UFD1: variants seen among roughly 807,000 people sequenced by gnomAD.
The protein encoded by UFD1 is ubiquitin recognition factor in ER-associated degradation protein 1.
A neutral mutation model predicts 45.9 loss-of-function variants in UFD1; 13 were observed. The observed-to-expected ratio is 0.28, with a 90% CI of 0.18 to 0.45. The LOEUF is 0.45. UFD1 is among the 20% of genes least tolerant of loss of function. UFD1 has a pLI of 1.00. For missense variants in UFD1, 218 were observed against 389.2 expected, an observed-to-expected ratio of 0.56 and a Z score of 3.70; for synonymous variants, 128 against 139.2, an observed-to-expected ratio of 0.92 and a Z score of 0.56.
Position 19,454,828 on chromosome 22 carries a change from C to A in UFD1, c.770G>T (p.Gly257Val), listed in dbSNP as rs1400480290. ...SPIKPGDIKR[G>V]IPNYEFKLGK... ...AAGTTTAAATTCATAATTGGGAATT[C>A]CTCTGTAAGAAGAGACAGAGACAGA... is the stretch of plus-strand genomic sequence containing the variant. The change falls in exon 11 of 12, where the codon GGA becomes GTA. Residue 257 changes from glycine to valine, a missense_variant and splice_region_variant. By Grantham distance (109) the Gly-to-Val change is moderately radical. Transcript: ENST00000263202. 4 of 1,612,922 alleles carry A rather than the reference C, an allele frequency of 2.5e-6. No homozygotes were observed.
Position 19,459,441 on chromosome 22 carries a change from C to T in UFD1, c.496-1302G>A, listed in dbSNP as rs569425507. Among the ~76,000 whole-genome samples the T allele has an allele frequency of 1.4e-4, 22 of 152,192 alleles. 1 individual carries two copies. The highest frequency in any genetic ancestry group is 1.9e-4 in the African/African-American group (8 of 41,538). On this transcript the variant is annotated intron_variant, in intron 6 of 11. Coordinates refer to ENST00000263202, the MANE Select transcript of UFD1 (RefSeq NM_005659.7). ...CATCCTTGCTAACATGGTGAAGACC[C>T]GTCTCTACTAAAAAATACAAAAAAT...
In UFD1 at chr22:19,470,510, C is replaced by T. The variant is rs187307122; in HGVS notation, c.291+1177G>A. On this transcript the variant is annotated intron_variant, in intron 4 of 11. Transcript: ENST00000263202. ...AGGCTGGAATGCAATGGCATGATCT[C>T]GGCTCACTGCAACCTAAGCCTCCTG... Among the ~76,000 whole-genome samples, 11 of 151,716 alleles carry T rather than the reference C, an allele frequency of 7.3e-5. No homozygotes were observed. In the East Asian group the frequency reaches 1.8e-3, roughly 24 times the overall value.
At chr22:19,459,081 G>C (rs1049475187) in intron 6 of UFD1, among the ~76,000 whole-genome samples, 2 of 152,148 alleles carry the variant, frequency 1.3e-5, no homozygotes, top group African/African-American at 4.8e-5. Flanking sequence ...GGTATTCAAA[G>C]TATGGTTTTT....
chr22:19,460,594 A>G (rs1186282284), intron 6 of UFD1, among the ~76,000 whole-genome samples: 1 of 152,128 alleles, frequency 6.6e-6, no homozygotes, highest in Non-Finnish European at 1.5e-5. Flanking sequence ...GTCCTCCTGC[A>G]CAGAAGCAAG....
Position 19,454,218 on chromosome 22 carries a change from C to A in UFD1, c.849+531G>T, listed in dbSNP as rs1254194875. ...CTGCAAGTCTTCTGTTTCATACACC[C>A]TACACCAGCTCTACAGAAAAAAACA... On this transcript the variant is annotated intron_variant, in intron 11 of 11. Transcript: ENST00000263202. 9.1e-6 allele frequency: 9 copies of A among 992,834 alleles called. No homozygotes were observed. In the East Asian group the frequency reaches 6.7e-4, roughly 74 times the overall value. 61.5% of individuals were successfully genotyped at this position (992,834 alleles called of 1,614,324 possible). A position where few individuals can be genotyped will look rare whatever the true frequency, so the allele number is the denominator to read the frequency against.
intron 4 of UFD1, among the ~76,000 whole-genome samples, chr22:19,468,291 C>A (rs1392212595): frequency 1.3e-5 from 2 of 152,178 alleles, no homozygotes; most frequent in African/African-American, 4.8e-5. Flanking sequence ...AGGGGCAGAG[C>A]ATTTTCCTGG....
At chr22:19,477,006 CAAAAAA>C (rs35775775) in intron 1 of UFD1, among the ~76,000 whole-genome samples, 2 of 98,288 alleles carry the variant, frequency 2.0e-5, no homozygotes, top group African/African-American at 8.3e-5. Context: ...GACTCCATCT[CAAAAAA>C]AAAAAAAAAA....
rs771225321 is a variant in UFD1 at position 19,454,844 on chromosome 22, CAG to C, written c.768-16_768-15del. On this transcript the variant is annotated splice_polypyrimidine_tract_variant and intron_variant, in intron 10 of 11. Coordinates refer to ENST00000263202, the MANE Select transcript of UFD1 (RefSeq NM_005659.7). ...TTGGGAATTCCTCTGTAAGAAGAGA[CAG>C]AGACAGAGAAATGTTATTTCCAGGA... The C allele has an allele frequency of 2.9e-5, 46 of 1,607,600 alleles. No individual in the cohort carries two copies. The Middle Eastern group carries it at 2.2e-3, about 76-fold the overall frequency.
In UFD1 at chr22:19,478,928, GC is replaced by G. The variant is rs1236647187; in HGVS notation, c.3+154del. 6.7e-6 allele frequency: 7 copies of G among 1,039,846 alleles called. No individual in the cohort carries two copies. The African/African-American group carries it at 1.2e-4, about 18-fold the overall frequency. The allele number at this position is 1,039,846 out of a possible 1,614,324, so 64.4% of individuals were successfully genotyped here. On this transcript the variant is annotated intron_variant, in intron 1 of 11. Coordinates refer to ENST00000263202, the MANE Select transcript of UFD1 (RefSeq NM_005659.7). ...CAGGCGGTTAGTGGTCAAGGGTCCT[GC>G]TTGTGCCCGGTGCGGCCGATGAGCC...
chr22:19,478,970 G>A, intron 1 of UFD1, 113 bp downstream of exon 1: 10 of 1,430,488 alleles, frequency 7.0e-6, no homozygotes, highest in East Asian at 2.6e-5. Flanking sequence ...GCCGGACTCA[G>A]GCCCGGGTGA....
chr22:19,473,583 T>A (rs1426321097), intron 3 of UFD1, among the ~76,000 whole-genome samples: 29 of 152,174 alleles, frequency 1.9e-4, no homozygotes. Context: ...AGGGTCTTCG[T>A]GAGAACTGTG....
chr22:19,453,812 G>GC (rs1246125451), intron 11 of UFD1: 29 of 985,428 alleles, frequency 2.9e-5, no homozygotes, highest in Non-Finnish European at 3.5e-5. Context: ...CTCCCATGTA[G>GC]CAGCTGGTCC....
intron 6 of UFD1, among the ~76,000 whole-genome samples, chr22:19,463,175 C>A (rs2089779165): frequency 6.6e-6 from 1 of 152,224 alleles, no homozygotes; most frequent in Non-Finnish European, 1.5e-5. Flanking sequence ...TATTGCAATT[C>A]CTCCATTCTT....
At chr22:19,478,859 T>G in intron 1 of UFD1, 7 of 568,774 alleles carry the variant, frequency 1.2e-5, no homozygotes, top group East Asian at 6.6e-5. Flanking sequence ...CAAGTCCGGC[T>G]GAGACAGAAT....
rs1021466780 is a variant in UFD1, at chr22:19,453,812, G to A, written c.849+937C>T. On this transcript the variant is annotated intron_variant, in intron 11 of 11. Coordinates refer to ENST00000263202, the MANE Select transcript of UFD1 (RefSeq NM_005659.7). ...CAGTAATTGGGATGGCTCCCATGTA[G>A]CAGCTGGTCCTGAATGGGTGGCTCA... The A allele has an allele frequency of 9.1e-6, 9 of 985,428 alleles. No homozygotes were observed. The African/African-American group carries it at 1.6e-4, about 17-fold the overall frequency. 61.0% of individuals were successfully genotyped at this position (985,428 alleles called of 1,614,324 possible).
chr22:19,454,871 A>T, intron 10 of UFD1, 41 bp from the exon 11 acceptor site: 1 of 1,588,840 alleles, frequency 6.3e-7, no homozygotes, highest in Non-Finnish European at 8.6e-7. Context: ...TATTTCCAGG[A>T]AAAAAGGACT....
intron 3 of UFD1, among the ~76,000 whole-genome samples, chr22:19,473,292 C>T (rs2089859051): frequency 6.6e-6 from 1 of 152,188 alleles, no homozygotes; most frequent in African/African-American, 2.4e-5. Flanking sequence ...TCCCAGTGCC[C>T]TGGGGCTCCC....
chr22:19,473,203 C>A (rs1414965767), intron 3 of UFD1, among the ~76,000 whole-genome samples: 1 of 152,212 alleles, frequency 6.6e-6, no homozygotes, highest in Non-Finnish European at 1.5e-5. Context: ...AGCCAAGGGT[C>A]TGAGATTGTT....
Position 19,450,542 on chromosome 22 carries a change from A to T in UFD1, c.*128T>A, listed in dbSNP as rs2089672589. 8.5e-7 allele frequency: 1 copy of T among 1,174,712 alleles called. No individual in the cohort carries two copies. Among genetic ancestry groups the T allele is most frequent in the Non-Finnish European group, 1.2e-6 (1 of 821,366 alleles). The allele number at this position is 1,174,712 out of a possible 1,614,324, so 72.8% of individuals were successfully genotyped here. A position where few individuals can be genotyped will look rare whatever the true frequency, so the allele number is the denominator to read the frequency against. On this transcript the variant is annotated 3_prime_UTR_variant, in exon 12 of 12. Coordinates refer to ENST00000263202, the MANE Select transcript of UFD1 (RefSeq NM_005659.7). ...AAGTCAAACTTAATAATTCTTAGGT[A>T]ACTCTAAATAAATCTTAAGTAACAG... is the stretch of plus-strand genomic sequence containing the variant.
Sources: gnomAD v4.1 joint callset for allele counts (sites outside exome capture counted in the v4.1 genomes callset) on GRCh38, gnomAD v4.1.1 for gene constraint, MANE v1.5 for transcripts, NCBI Gene and HGNC (gene_info 2026-07-23, HGNC 2026-07-21) for gene names.